SHROOM2: variants seen among roughly 807,000 people sequenced by gnomAD.
The protein encoded by SHROOM2 is shroom family member 2, also known as protein Shroom2.
Under a neutral mutation model 75.9 loss-of-function variants are expected in SHROOM2, and 33 were observed. The ratio of observed to expected loss-of-function variants is 0.43; its 90% confidence interval spans 0.33 to 0.58. SHROOM2 has a LOEUF of 0.58. Among genes scored for constraint, SHROOM2 ranks in the 20% least tolerant of loss-of-function variants. The probability of loss-of-function intolerance (pLI) is 0.04; values close to 1 mark genes in which losing one functional copy is unlikely to be tolerated. For missense variants in SHROOM2, 1,434 were observed against 1,461.2 expected, an observed-to-expected ratio of 0.98 and a Z score of 0.30; for synonymous variants, 655 against 663.6, an observed-to-expected ratio of 0.99 and a Z score of 0.20.
In SHROOM2 at chrX:9,896,352, A is replaced by C; in HGVS notation, c.2444A>C (p.Lys815Thr). 1 of 1,212,398 alleles carries C rather than the reference A, an allele frequency of 8.2e-7. No homozygotes were observed. The highest frequency in any genetic ancestry group is 1.8e-5 in the South Asian group (1 of 57,051). Residue 815 changes from lysine to threonine, a missense_variant, in exon 4 of 10, where the codon AAG becomes ACG. Physicochemically the swap from Lys to Thr is moderately conservative, Grantham distance 78. Transcript: ENST00000380913. ...CCTGTTCCCCAGAGGCCTGCCCAGA[A>C]GCAAGCTCTTCACGGAATCCCGAGA... ...SKPVPQRPAQ[K>T]QALHGIPRDK...
intron 1 of SHROOM2, among the ~76,000 whole-genome samples, chrX:9,831,259 A>G (rs1237231083): frequency 8.9e-6 from 1 of 112,519 alleles, no homozygotes; most frequent in Non-Finnish European, 1.9e-5. Flanking sequence ...ACATCTTGGC[A>G]TCTGTCTCCA....
chrX:9,883,194 A>G (rs1162630664), intron 2 of SHROOM2, among the ~76,000 whole-genome samples: 1 of 112,351 alleles, frequency 8.9e-6, no homozygotes, highest in East Asian at 2.8e-4. Context: ...AGCTCTCACA[A>G]GTGCGGACTC....
At chrX:9,843,502 G>A (rs1000092371) in intron 1 of SHROOM2, among the ~76,000 whole-genome samples, 4 of 110,254 alleles carry the variant, frequency 3.6e-5, no homozygotes, top group Admixed American at 2.0e-4. Flanking sequence ...GGGTTCTAGG[G>A]ATCCTCCAGC....
intron 1 of SHROOM2, among the ~76,000 whole-genome samples, chrX:9,858,884 G>A (rs1373060631): frequency 9.0e-6 from 1 of 111,399 alleles, no homozygotes; most frequent in Non-Finnish European, 1.9e-5. Flanking sequence ...GAAGCCTGCT[G>A]GCGGTGCTTT....
intron 1 of SHROOM2, among the ~76,000 whole-genome samples, chrX:9,812,704 A>T (rs760283965): frequency 1.8e-5 from 2 of 112,262 alleles, no homozygotes; most frequent in Non-Finnish European, 3.8e-5. Flanking sequence ...GTGATGTCTT[A>T]GGGAAGCGAA....
At chrX:9,923,566 A>T (rs2084567316) in intron 5 of SHROOM2, among the ~76,000 whole-genome samples, 2 of 111,987 alleles carry the variant, frequency 1.8e-5, no homozygotes, top group South Asian at 7.4e-4. Flanking sequence ...CAGGCATGCC[A>T]GCCCTTGCTA....
chrX:9,811,151 G>A (rs1311437562), intron 1 of SHROOM2, among the ~76,000 whole-genome samples: 1 of 112,002 alleles, frequency 8.9e-6, no homozygotes, highest in African/African-American at 3.2e-5. Flanking sequence ...TAATCAACCT[G>A]CCACCAGGTA....
chrX:9,892,889 C>T (rs931141423), intron 3 of SHROOM2, among the ~76,000 whole-genome samples: 6 of 112,186 alleles, frequency 5.3e-5, no homozygotes, highest in African/African-American at 1.6e-4. Context: ...AAAGAAAGCA[C>T]TTAACATCCT....
At chrX:9,891,992 G>A (rs2084296517) in intron 3 of SHROOM2, among the ~76,000 whole-genome samples, 1 of 110,509 alleles carries the variant, frequency 9.0e-6, no homozygotes, top group African/African-American at 3.3e-5. Flanking sequence ...GGGCGCAATG[G>A]TTCATGTCTG....
At chrX:9,866,941 G>A (rs981686220) in intron 1 of SHROOM2, among the ~76,000 whole-genome samples, 1 of 110,103 alleles carries the variant, frequency 9.1e-6, no homozygotes, top group African/African-American at 3.3e-5. Context: ...TCTAGTTGCC[G>A]TTTCTATTTG....
intron 8 of SHROOM2, among the ~76,000 whole-genome samples, chrX:9,941,980 A>G (rs2084776259): frequency 1.0e-5 from 1 of 99,009 alleles, no homozygotes; most frequent in African/African-American, 4.5e-5. Flanking sequence ...TCAAAAAAAA[A>G]AAAAAAAAAA....
At chrX:9,926,978 C>T (rs756196618) in intron 5 of SHROOM2, among the ~76,000 whole-genome samples, 14 of 111,185 alleles carry the variant, frequency 1.3e-4, no homozygotes, top group Admixed American at 1.3e-3. Context: ...TGGAGTTCAT[C>T]GCGGGCAGCA....
intron 7 of SHROOM2, 67 bp from the exon 8 acceptor site, chrX:9,939,128 G>A (rs988956346): frequency 5.8e-5 from 58 of 993,188 alleles, no homozygotes; most frequent in Non-Finnish European, 3.4e-5. Flanking sequence ...ACAACCCAGG[G>A]GGTGGGGCAG....
intron 5 of SHROOM2, among the ~76,000 whole-genome samples, chrX:9,908,980 A>AAT: frequency 1.3e-5 from 1 of 79,140 alleles, no homozygotes; most frequent in African/African-American, 3.9e-5. Context: ...AATAAAAACA[A>AAT]AAATAAAAAA....
At chrX:9,941,324 A>G (rs896864129) in intron 8 of SHROOM2, among the ~76,000 whole-genome samples, 3 of 111,631 alleles carry the variant, frequency 2.7e-5, no homozygotes, top group African/African-American at 9.8e-5. Context: ...AAAGCCACGC[A>G]CTGCAAGAAA....
At chrX:9,813,701 G>A (rs1159422990) in intron 1 of SHROOM2, among the ~76,000 whole-genome samples, 7 of 111,558 alleles carry the variant, frequency 6.3e-5, no homozygotes, top group South Asian at 3.8e-4. Flanking sequence ...TTGTCCATTC[G>A]ACCCAGAAGT....
At chrX:9,919,715 C>T (rs899808411) in intron 5 of SHROOM2, among the ~76,000 whole-genome samples, 4 of 111,228 alleles carry the variant, frequency 3.6e-5, no homozygotes, top group African/African-American at 9.8e-5. Flanking sequence ...ATTTGGGAAC[C>T]ACCAGGCATG....
chrX:9,850,094 G>A (rs1056345526), intron 1 of SHROOM2, among the ~76,000 whole-genome samples: 1 of 111,449 alleles, frequency 9.0e-6, no homozygotes, highest in Non-Finnish European at 1.9e-5. Context: ...TGAACCTTGG[G>A]TGTGTATTGT....
chrX:9,827,223 CT>C (rs397953893), intron 1 of SHROOM2, among the ~76,000 whole-genome samples: 22 of 60,112 alleles, frequency 3.7e-4, no homozygotes, highest in Non-Finnish European at 3.9e-4. Flanking sequence ...TTTTCTTTTT[CT>C]TTTTTTTTTT....
Sources: allele counts gnomAD v4.1 joint callset (sites outside exome capture counted in the v4.1 genomes callset), GRCh38; gene constraint gnomAD v4.1.1; transcripts MANE v1.5; gene names NCBI Gene and HGNC (gene_info 2026-07-23, HGNC 2026-07-21).